The following MBD5 variants were observed in gnomAD, a reference collection of about 807,000 sequenced individuals.
MBD5 encodes the protein methyl-CpG-binding domain protein 5.
MBD5 carries 13 observed loss-of-function variants against 117.3 expected under a neutral mutation model. The observed-to-expected ratio is 0.11, with a 90% CI of 0.07 to 0.18. The LOEUF is 0.18. Among genes scored for constraint, MBD5 ranks in the 10% least tolerant of loss-of-function variants. The probability of loss-of-function intolerance (pLI) is 1.00; values close to 1 mark genes in which losing one functional copy is unlikely to be tolerated. For missense variants in MBD5, 1,879 were observed against 2,093.8 expected (o/e 0.90, Z 2.00); for synonymous variants, 727 against 766.4 (o/e 0.95, Z 0.85).
intron 1 of MBD5, among the ~76,000 whole-genome samples, chr2:148,067,367 T>C (rs1049778765): frequency 2.6e-5 from 4 of 152,238 alleles, no homozygotes; most frequent in Non-Finnish European, 4.4e-5. Context: ...TGATTTTCTT[T>C]ACAAATTATC....
intron 4 of MBD5, among the ~76,000 whole-genome samples, chr2:148,412,969 C>T (rs2105196905): frequency 6.6e-6 from 1 of 152,204 alleles, no homozygotes; most frequent in Non-Finnish European, 1.5e-5. Flanking sequence ...TGCCTGATTG[C>T]TCTGGCCAGG....
chr2:148,208,730 C>T (rs1699346703), intron 2 of MBD5, among the ~76,000 whole-genome samples: 1 of 150,758 alleles, frequency 6.6e-6, no homozygotes, highest in Non-Finnish European at 1.5e-5. Context: ...TTACTTTTAC[C>T]TGATGGTTAC....
chr2:148,075,526 TTAC>T (rs1229324136), intron 1 of MBD5, among the ~76,000 whole-genome samples: 1 of 152,202 alleles, frequency 6.6e-6, no homozygotes, highest in Non-Finnish European at 1.5e-5. Context: ...AATTTTAAAA[TTAC>T]TACATTATCA....
rs1322541221 is a variant in MBD5, at chr2:148,459,946, G to A, written c.113+1075G>A. ...TGTGATCCATATTTATTGGGGTGAA[G>A]GGATAAGAAAGCAGAGAATATGAAG... On this transcript the variant is annotated intron_variant, in intron 5 of 13. Transcript: ENST00000642680. Among the ~76,000 whole-genome samples the A allele has an allele frequency of 2.6e-5, 4 of 152,184 alleles. No homozygotes were observed. The East Asian group carries it at 7.7e-4, about 29-fold the overall frequency.
At chr2:148,180,352 A>ATATATATATATATATATATATATATG (rs1558961070) in intron 2 of MBD5, among the ~76,000 whole-genome samples, 1 of 138,668 alleles carries the variant, frequency 7.2e-6, no homozygotes, top group Non-Finnish European at 1.5e-5. Context: ...ACATATATAT[A>ATATATATATATATATATATATATATG]TATATATATG....
At chr2:148,061,172 A>G (rs1024860862) in intron 1 of MBD5, among the ~76,000 whole-genome samples, 5 of 152,078 alleles carry the variant, frequency 3.3e-5, no homozygotes, top group Admixed American at 2.6e-4. Context: ...ATTCCTTTAC[A>G]AAGTGTTCTT....
intron 1 of MBD5, among the ~76,000 whole-genome samples, chr2:148,154,580 C>A (rs187130585): frequency 6.6e-6 from 1 of 152,188 alleles, no homozygotes; most frequent in Non-Finnish European, 1.5e-5. Flanking sequence ...TATCAATCAG[C>A]GAGACTCCCT....
At chr2:148,180,192 T>A (rs565505764) in intron 2 of MBD5, among the ~76,000 whole-genome samples, 3 of 151,492 alleles carry the variant, frequency 2.0e-5, no homozygotes, top group African/African-American at 7.2e-5. Flanking sequence ...TATTACTTAT[T>A]TCTAATTCAT....
intron 4 of MBD5, among the ~76,000 whole-genome samples, chr2:148,403,467 A>G (rs773003665): frequency 9.2e-5 from 14 of 152,216 alleles, no homozygotes; most frequent in Non-Finnish European, 1.8e-4. Flanking sequence ...GGAGTGAACC[A>G]TCAAGCTCAG....
At chr2:148,154,805 A>G (rs541223398) in intron 1 of MBD5, among the ~76,000 whole-genome samples, 1 of 152,186 alleles carries the variant, frequency 6.6e-6, no homozygotes, top group East Asian at 1.9e-4. Flanking sequence ...CACGGTGCAC[A>G]CACCCACTGA....
rs150013813 is a variant in MBD5, at chr2:148,167,035, T to A, written c.-924-11665T>A. 2.0e-5 allele frequency among the ~76,000 whole-genome samples: 3 copies of A among 152,304 alleles called. No individual in the cohort carries two copies. In the East Asian group the frequency reaches 5.8e-4, roughly 29 times the overall value. On this transcript the variant is annotated intron_variant, in intron 1 of 13. Coordinates refer to ENST00000642680, the MANE Select transcript of MBD5 (RefSeq NM_001378120.1). The stretch of plus-strand genomic sequence containing the variant: ...TCTAAAAGATTATGCTTTACATTGT[T>A]AATGTCATAAATACTGGACAGAGCT...
chr2:148,312,013 C>G (rs1344074651), intron 3 of MBD5, among the ~76,000 whole-genome samples: 1 of 152,178 alleles, frequency 6.6e-6, no homozygotes, highest in Non-Finnish European at 1.5e-5. Flanking sequence ...TCTGCAGAGA[C>G]AGCTGCTGAT....
At chr2:148,359,569 T>G (rs907757941) in intron 4 of MBD5, among the ~76,000 whole-genome samples, 28 of 152,162 alleles carry the variant, frequency 1.8e-4, no homozygotes, top group African/African-American at 6.8e-4. Context: ...TCTTAAGTCT[T>G]AAGAAAGGCT....
intron 2 of MBD5, among the ~76,000 whole-genome samples, chr2:148,212,931 T>C (rs746479576): frequency 2.0e-5 from 3 of 152,146 alleles, no homozygotes; most frequent in Non-Finnish European, 2.9e-5. Flanking sequence ...TTATTAATAG[T>C]TCCTATTTGT....
intron 1 of MBD5, among the ~76,000 whole-genome samples, chr2:148,037,727 C>T (rs578147512): frequency 6.6e-6 from 1 of 152,000 alleles, no homozygotes; most frequent in South Asian, 2.1e-4. Context: ...GAAGCAAGCT[C>T]AGGTTTTTCA....
chr2:148,511,513 A>G (rs557057998), intron 13 of MBD5, among the ~76,000 whole-genome samples: 24 of 152,350 alleles, frequency 1.6e-4, no homozygotes, highest in East Asian at 1.9e-4. Context: ...CATCTGGGAA[A>G]TTGTGTTCAT....
chr2:148,417,288 C>CTTTTTTTTT (rs745409695), intron 4 of MBD5, among the ~76,000 whole-genome samples: 802 of 91,730 alleles, frequency 8.7e-3, no homozygotes, highest in Non-Finnish European at 0.011. Context: ...ATGCACAGCT[C>CTTTTTTTTT]TTTTTTTTTT....
At chr2:148,404,978 C>T (rs1705032973) in intron 4 of MBD5, among the ~76,000 whole-genome samples, 1 of 152,048 alleles carries the variant, frequency 6.6e-6, no homozygotes, top group Non-Finnish European at 1.5e-5. Context: ...TTGTTCTGAA[C>T]ATAACTTTAA....
intron 1 of MBD5, among the ~76,000 whole-genome samples, chr2:148,134,310 T>C (rs1697122719): frequency 6.6e-6 from 1 of 152,178 alleles, no homozygotes; most frequent in Non-Finnish European, 1.5e-5. Context: ...ATGTTGAAAT[T>C]CTTGGCATTA....
Sources: allele counts gnomAD v4.1 joint callset (sites outside exome capture counted in the v4.1 genomes callset), GRCh38; gene constraint gnomAD v4.1.1; transcripts MANE v1.5; gene names NCBI Gene and HGNC (gene_info 2026-07-23, HGNC 2026-07-21).